FHIT: variants seen among roughly 807,000 people sequenced by gnomAD.
The protein encoded by FHIT is bis(5'-adenosyl)-triphosphatase.
In FHIT, 19 loss-of-function variants were observed where a neutral mutation model predicts 17.9. That is an observed-to-expected ratio of 1.06 (90% CI 0.74 to 1.56). The LOEUF is 1.56. FHIT is among the 40% of genes most tolerant of loss of function. The probability of loss-of-function intolerance (pLI) is 0.00; values close to 1 mark genes in which losing one functional copy is unlikely to be tolerated. For synonymous variants in FHIT, 81 were observed against 69.7 expected, an observed-to-expected ratio of 1.16 and a Z score of -0.81; for missense variants, 248 against 189.2, an observed-to-expected ratio of 1.31 and a Z score of -1.82.
At chr3:60,245,860 G>A (rs1478254105) in intron 5 of FHIT, among the ~76,000 whole-genome samples, 1 of 151,706 alleles carries the variant, frequency 6.6e-6, no homozygotes, top group Non-Finnish European at 1.5e-5. Context: ...ACAAGAACTG[G>A]AAAAAAACTA....
At chr3:59,955,647 C>A (rs1707355427) in intron 7 of FHIT, among the ~76,000 whole-genome samples, 1 of 152,134 alleles carries the variant, frequency 6.6e-6, no homozygotes, top group Non-Finnish European at 1.5e-5. Flanking sequence ...TTGCCCCATT[C>A]CCAAACTTAG....
intron 1 of FHIT, among the ~76,000 whole-genome samples, chr3:61,203,457 C>T (rs2039099238): frequency 6.6e-6 from 1 of 151,378 alleles, no homozygotes; most frequent in Non-Finnish European, 1.5e-5. Flanking sequence ...TTGTTTAGTG[C>T]TCACAGTAGT....
chr3:60,433,271 T>G (rs114507927), intron 5 of FHIT, among the ~76,000 whole-genome samples: 8,540 of 152,028 alleles, frequency 0.056, 283 homozygotes, highest in Middle Eastern at 0.13. Flanking sequence ...TATATATATG[T>G]GGGGGGTGTA....
intron 7 of FHIT, among the ~76,000 whole-genome samples, chr3:59,986,540 T>TATACACAC (rs1473518719): frequency 4.8e-4 from 6 of 12,444 alleles, no homozygotes; most frequent in South Asian, 3.4e-3. Context: ...TATATATATA[T>TATACACAC]ACACACACAC....
At chr3:60,761,086 G>A (rs1699633858) in intron 4 of FHIT, among the ~76,000 whole-genome samples, 1 of 151,056 alleles carries the variant, frequency 6.6e-6, no homozygotes, top group South Asian at 2.1e-4. Context: ...AGAAGGGGGA[G>A]GGGGGAAAGA....
intron 5 of FHIT, among the ~76,000 whole-genome samples, chr3:60,128,491 A>G (rs1699360370): frequency 1.3e-5 from 2 of 152,126 alleles, no homozygotes; most frequent in African/African-American, 4.8e-5. Context: ...TCCTTTATAA[A>G]TTGTCCAGTC....
At chr3:60,341,919 T>A (rs1167608086) in intron 5 of FHIT, among the ~76,000 whole-genome samples, 1 of 152,112 alleles carries the variant, frequency 6.6e-6, no homozygotes, top group African/African-American at 2.4e-5. Context: ...ACGAGGTTCT[T>A]GTCACATGAC....
chr3:61,215,581 A>G (rs1354200973), intron 1 of FHIT, among the ~76,000 whole-genome samples: 2 of 152,208 alleles, frequency 1.3e-5, no homozygotes, highest in Non-Finnish European at 2.9e-5. Context: ...AAGGTAATTT[A>G]TAGATTCAAT....
intron 5 of FHIT, among the ~76,000 whole-genome samples, chr3:60,349,207 T>A (rs992556311): frequency 6.6e-6 from 1 of 152,220 alleles, no homozygotes; most frequent in Non-Finnish European, 1.5e-5. Context: ...TAAATTTGTA[T>A]GCACAGTCTG....
At chr3:59,928,994 CAAAAAAAAAAAAAAA>C (rs56107626) in intron 7 of FHIT, among the ~76,000 whole-genome samples, 1 of 33,122 alleles carries the variant, frequency 3.0e-5, no homozygotes, top group Non-Finnish European at 5.0e-5. Flanking sequence ...GACTTCATCT[CAAAAAAAAAAAAAAA>C]AAAAAAAAAA....
intron 2 of FHIT, among the ~76,000 whole-genome samples, chr3:61,080,815 C>G (rs1454461115): frequency 2.0e-5 from 3 of 152,038 alleles, no homozygotes; most frequent in Non-Finnish European, 4.4e-5. Flanking sequence ...GGGAAACATT[C>G]CTGGCTCCCA....
At chr3:60,589,176 TAG>T (rs2038000033) in intron 4 of FHIT, among the ~76,000 whole-genome samples, 1 of 152,038 alleles carries the variant, frequency 6.6e-6, no homozygotes, top group East Asian at 2.0e-4. Flanking sequence ...CCTTTTTATA[TAG>T]AGAGAGAAAA....
chr3:60,734,790 C>G (rs1553712163), intron 4 of FHIT, among the ~76,000 whole-genome samples: 1 of 152,246 alleles, frequency 6.6e-6, no homozygotes, highest in East Asian at 1.9e-4. Flanking sequence ...TACCCATTAA[C>G]TTTTAATCCT....
chr3:59,801,246 A>G (rs1456008777), intron 8 of FHIT, among the ~76,000 whole-genome samples: 1 of 152,166 alleles, frequency 6.6e-6, no homozygotes. Flanking sequence ...CCTTTTATAT[A>G]TGATGCACAT....
At chr3:60,448,666 T>C (rs920462795) in intron 5 of FHIT, among the ~76,000 whole-genome samples, 1 of 152,144 alleles carries the variant, frequency 6.6e-6, no homozygotes, top group Non-Finnish European at 1.5e-5. Context: ...ACTGGCCTCC[T>C]GGACAGCATT....
chr3:59,865,057 G>C (rs1328268909), intron 8 of FHIT, among the ~76,000 whole-genome samples: 1 of 152,020 alleles, frequency 6.6e-6, no homozygotes, highest in Non-Finnish European at 1.5e-5. Flanking sequence ...TCCACTCTAG[G>C]TCAAATAGAT....
chr3:60,860,993 GTATATATCCA>G (rs1553752065), intron 3 of FHIT, among the ~76,000 whole-genome samples: 16 of 95,612 alleles, frequency 1.7e-4, no homozygotes, highest in East Asian at 7.3e-4. Flanking sequence ...ACATATATAC[GTATATATCCA>G]TATATATGAT....
chr3:59,999,446 A>C lies in FHIT; in HGVS notation c.279+11925T>G, dbSNP rs1273460948. ...CTTTCATTCAAAGATTCCCACTAGC[A>C]TGTGATGAGTATTGCAGATATGCAG... On this transcript the variant is annotated intron_variant, in intron 7 of 9. Coordinates refer to ENST00000492590, the MANE Select transcript of FHIT (RefSeq NM_002012.4). Among the ~76,000 whole-genome samples, 3 of 152,274 alleles carry C rather than the reference A, an allele frequency of 2.0e-5. No homozygotes were observed. The East Asian group carries it at 5.8e-4, about 29-fold the overall frequency.
intron 3 of FHIT, among the ~76,000 whole-genome samples, chr3:60,955,618 A>ATACATATATATATATACATG (rs1709104600): frequency 2.1e-4 from 3 of 14,572 alleles, no homozygotes; most frequent in Non-Finnish European, 2.1e-4. Flanking sequence ...ATATATATAT[A>ATACATATATATATATACATG]TATATATATA....
Sources: allele counts gnomAD v4.1 joint callset (sites outside exome capture counted in the v4.1 genomes callset), GRCh38; gene constraint gnomAD v4.1.1; transcripts MANE v1.5; gene names NCBI Gene and HGNC (gene_info 2026-07-23, HGNC 2026-07-21).